CTNNA2: variants seen among roughly 807,000 people sequenced by gnomAD.
CTNNA2 encodes catenin alpha 2, also known as catenin alpha-2.
A neutral mutation model predicts 101.0 loss-of-function variants in CTNNA2; 42 were observed. That is an observed-to-expected ratio of 0.42 (90% CI 0.32 to 0.54). The LOEUF (loss-of-function observed/expected upper bound fraction) is 0.54, where lower values mean the gene tolerates loss of function less well. CTNNA2 is among the 20% of genes least tolerant of loss of function. The pLI is 0.14. For synonymous variants in CTNNA2, 450 were observed against 456.4 expected (o/e 0.99, Z 0.18); for missense variants, 871 against 1,223.1 (o/e 0.71, Z 4.29).
At chr2:80,603,888 G>T in intron 15 of CTNNA2, 186 bp from the exon 16 acceptor site, 1 of 532,192 alleles carries the variant, frequency 1.9e-6, no homozygotes, top group Non-Finnish European at 3.3e-6. Flanking sequence ...AAAAATATGG[G>T]AAAATATTTC....
At chr2:79,985,958 C>A (rs80150612) in intron 7 of CTNNA2, among the ~76,000 whole-genome samples, 1 of 152,168 alleles carries the variant, frequency 6.6e-6, no homozygotes, top group Non-Finnish European at 1.5e-5. Context: ...CAGGCAACAA[C>A]AGGAATAGAC....
intron 17 of CTNNA2, among the ~76,000 whole-genome samples, chr2:80,609,322 T>C (rs1418856334): frequency 1.3e-5 from 2 of 151,804 alleles, no homozygotes; most frequent in Non-Finnish European, 2.9e-5. Flanking sequence ...TGAACCCAAC[T>C]GTTTTTGTTC....
At chr2:79,870,984 T>A (rs968818877) in intron 5 of CTNNA2, among the ~76,000 whole-genome samples, 4 of 152,212 alleles carry the variant, frequency 2.6e-5, no homozygotes, top group African/African-American at 9.6e-5. Context: ...CAGTTTCAGC[T>A]AACTCTGTTT....
intron 2 of CTNNA2, among the ~76,000 whole-genome samples, chr2:79,215,974 T>A (rs1385419941): frequency 6.6e-6 from 1 of 151,534 alleles, no homozygotes; most frequent in African/African-American, 2.4e-5. Context: ...AGGGGACATG[T>A]GGGAGGGAAA....
chr2:80,166,589 T>C (rs938276022), intron 7 of CTNNA2, among the ~76,000 whole-genome samples: 6 of 152,194 alleles, frequency 3.9e-5, no homozygotes, highest in African/African-American at 1.4e-4. Context: ...CTTAGGTCAA[T>C]GTTTTTCTGC....
At chr2:80,498,630 A>G (rs1169037363) in intron 9 of CTNNA2, among the ~76,000 whole-genome samples, 1 of 152,176 alleles carries the variant, frequency 6.6e-6, no homozygotes, top group Non-Finnish European at 1.5e-5. Flanking sequence ...TTTCCACCCA[A>G]GTGTATCTTG....
At chr2:79,438,155 A>C (rs1178761598) in intron 4 of CTNNA2, among the ~76,000 whole-genome samples, 1 of 152,198 alleles carries the variant, frequency 6.6e-6, no homozygotes, top group Non-Finnish European at 1.5e-5. Context: ...ACGCGGAGGC[A>C]GAAGGCTGCA....
At chr2:80,380,150 CCTCAGCCTCCTGA>C (rs1676371108) in intron 7 of CTNNA2, among the ~76,000 whole-genome samples, 1 of 151,154 alleles carries the variant, frequency 6.6e-6, no homozygotes, top group African/African-American at 2.4e-5. Context: ...CATTCTCCTG[CCTCAGCCTCCTGA>C]GTAGCTGGGA....
intron 1 of CTNNA2, among the ~76,000 whole-genome samples, 181 bp downstream of exon 1, chr2:79,513,388 T>C (rs1671634186): frequency 6.7e-6 from 1 of 149,652 alleles, no homozygotes; most frequent in Non-Finnish European, 1.5e-5. Flanking sequence ...CCTTTCTTCC[T>C]CTCTCCCAGC....
At chr2:80,637,542 G>T (rs938188918) in intron 18 of CTNNA2, among the ~76,000 whole-genome samples, 4 of 152,062 alleles carry the variant, frequency 2.6e-5, no homozygotes, top group Non-Finnish European at 4.4e-5. Context: ...AAAGGGGCTG[G>T]GGTCCCAAGG....
intron 3 of CTNNA2, among the ~76,000 whole-genome samples, chr2:79,831,304 G>GA (rs1417814265): frequency 2.6e-5 from 4 of 151,962 alleles, no homozygotes; most frequent in Admixed American, 2.0e-4. Flanking sequence ...TTTTCTCCTC[G>GA]AGGTTTGTAT....
rs889488696 is a variant in CTNNA2 at position 80,487,979 on chromosome 2, A to G, written c.1291-57003A>G. 7.9e-5 allele frequency among the ~76,000 whole-genome samples: 12 copies of G among 152,202 alleles called. 1 individual carries two copies. The highest frequency in any genetic ancestry group is 2.6e-4 in the Admixed American group (4 of 15,272). ...AAGTTCTTACTTTGTGAATGATTAA[A>G]TTTGTAGATCTTTTTATTTCTGATG... On this transcript the variant is annotated intron_variant, in intron 9 of 18. Transcript: ENST00000402739.
intron 2 of CTNNA2, among the ~76,000 whole-genome samples, chr2:79,242,158 G>T (rs1022177128): frequency 6.6e-6 from 1 of 151,838 alleles, no homozygotes; most frequent in African/African-American, 2.4e-5. Flanking sequence ...CACCCGCCTC[G>T]GCCTCCCAAA....
intron 9 of CTNNA2, among the ~76,000 whole-genome samples, chr2:80,499,173 G>A (rs1687684707): frequency 6.6e-6 from 1 of 152,092 alleles, no homozygotes; most frequent in Admixed American, 6.6e-5. Flanking sequence ...TATAAAAATG[G>A]AAGTAAGCCG....
At chr2:79,649,341 T>C (rs1197487876) in intron 1 of CTNNA2, 1 of 154,798 alleles carries the variant, frequency 6.5e-6, no homozygotes, top group East Asian at 1.9e-4. Context: ...ACAATGACCA[T>C]GACTGAGTAT....
chr2:79,766,182 G>A (rs1052397731), intron 3 of CTNNA2, among the ~76,000 whole-genome samples: 10 of 152,138 alleles, frequency 6.6e-5, no homozygotes, highest in African/African-American at 2.4e-4. Flanking sequence ...TTATTGAAGT[G>A]CTTCCTTTAA....
chr2:79,612,854 A>G lies in CTNNA2; in HGVS notation c.-5-38698A>G, dbSNP rs72923324. ...AAGAAAATCATAGTTTAATTTTTTT[A>G]AAATTACATTTTCTGTGAAGTATTT... On this transcript the variant is annotated intron_variant, in intron 1 of 18. Coordinates refer to ENST00000402739, the MANE Select transcript of CTNNA2 (RefSeq NM_001282597.3). Among the ~76,000 whole-genome samples the G allele has an allele frequency of 4.0e-3, 602 of 152,284 alleles. 6 individuals are homozygous for G. The highest frequency in any genetic ancestry group is 0.013 in the African/African-American group (560 of 41,572).
In CTNNA2 at chr2:79,699,788, TACACACACACAC is replaced by T. The variant is rs377095429; in HGVS notation, c.103-44566_103-44555del. 4.8e-3 allele frequency among the ~76,000 whole-genome samples: 574 copies of T among 119,988 alleles called. 1 individual carries two copies. Among genetic ancestry groups the T allele is most frequent in the African/African-American group, 0.014 (457 of 33,084 alleles). 78.7% of individuals were successfully genotyped at this position (119,988 alleles called of 152,430 possible). ...AAAATTTAGTCCAAAAAGAAAAAAA[TACACACACACAC>T]ACACACACACACACACACACACACA... On this transcript the variant is annotated intron_variant, in intron 2 of 18. Transcript: ENST00000402739.
chr2:80,344,461 G>C (rs959048785), intron 7 of CTNNA2, among the ~76,000 whole-genome samples: 1 of 152,212 alleles, frequency 6.6e-6, no homozygotes. Flanking sequence ...GTCAACACAT[G>C]AATGTTTTAT....
Sources: gnomAD v4.1 joint callset for allele counts (sites outside exome capture counted in the v4.1 genomes callset) on GRCh38, gnomAD v4.1.1 for gene constraint, MANE v1.5 for transcripts, NCBI Gene and HGNC (gene_info 2026-07-23, HGNC 2026-07-21) for gene names.